The following IQSEC1 variants were observed in gnomAD, a reference collection of about 807,000 sequenced individuals.
IQSEC1 encodes the protein IQ motif and Sec7 domain ArfGEF 1.
A neutral mutation model predicts 91.0 loss-of-function variants in IQSEC1; 31 were observed. That is an observed-to-expected ratio of 0.34 (90% CI 0.26 to 0.46). The LOEUF is 0.46. Ranked by LOEUF, IQSEC1 falls within the 20% of genes least tolerant of loss-of-function variation. The probability of loss-of-function intolerance (pLI) is 1.00; values close to 1 mark genes in which losing one functional copy is unlikely to be tolerated. For synonymous variants in IQSEC1, 699 were observed against 662.6 expected, an observed-to-expected ratio of 1.05 and a Z score of -0.84; for missense variants, 1,388 against 1,575.6, an observed-to-expected ratio of 0.88 and a Z score of 2.02.
At chr3:13,007,653 A>G (rs1268042207) in intron 1 of IQSEC1, among the ~76,000 whole-genome samples, 1 of 152,160 alleles carries the variant, frequency 6.6e-6, no homozygotes, top group African/African-American at 2.4e-5. Flanking sequence ...CACACATTAG[A>G]GCTTATCACC....
At position 13,261,443 on chromosome 3, in the gene IQSEC1, G is replaced by A. The variant is rs374241574; in HGVS notation, c.272+21268C>T. 5.3e-5 allele frequency among the ~76,000 whole-genome samples: 8 copies of A among 152,210 alleles called. No individual in the cohort carries two copies. The East Asian group carries it at 1.5e-3, about 29-fold the overall frequency. On this transcript the variant is annotated intron_variant, in intron 1 of 15. Transcript: ENST00000648114. ...GCCCCCTCTACCCATCCAGCCCCTC[G>A]AATGAGTGCTGTGCCCGAGAGCTCC...
intron 2 of IQSEC1, among the ~76,000 whole-genome samples, chr3:13,090,819 C>A (rs1006677611): frequency 6.6e-6 from 1 of 152,168 alleles, no homozygotes; most frequent in Non-Finnish European, 1.5e-5. Flanking sequence ...TTTTAGACTT[C>A]GATCCTTGAG....
At chr3:13,264,581 CT>C (rs1201114635) in intron 1 of IQSEC1, among the ~76,000 whole-genome samples, 4 of 152,176 alleles carry the variant, frequency 2.6e-5, no homozygotes, top group Non-Finnish European at 5.9e-5. Context: ...CATGGCACCC[CT>C]GGGGGACTGG....
rs1391228657 is a variant in IQSEC1, at chr3:12,899,228, C to G, written c.*1755G>C. On this transcript the variant is annotated 3_prime_UTR_variant, in exon 14 of 14. Coordinates refer to ENST00000613206, the MANE Select transcript of IQSEC1 (RefSeq NM_001134382.3). ...GCCAGCCAGCCAAGGTGACACACAG[C>G]CAGAGGGGGCTCCCCTCTCCTCCTG... The G allele has an allele frequency of 1.3e-6, 1 of 741,354 alleles. No individual in the cohort carries two copies. Among genetic ancestry groups the G allele is most frequent in the Non-Finnish European group, 2.2e-6 (1 of 453,836 alleles). The allele number at this position is 741,354 out of a possible 1,614,324, so 45.9% of individuals were successfully genotyped here.
chr3:13,163,736 G>A (rs542599857), intron 2 of IQSEC1, among the ~76,000 whole-genome samples: 3 of 142,888 alleles, frequency 2.1e-5, no homozygotes, highest in South Asian at 2.6e-4. Context: ...CCCTGACCCC[G>A]CCCAGCCCAG....
In IQSEC1 at chr3:13,022,174, C is replaced by G. The variant is rs55769238; in HGVS notation, c.23+50818G>C. ...CCCACCACCCAGAGTCTCCTCCTGG[C>G]CAGGGAACGGCTCTCTTCACGGATT... On this transcript the variant is annotated intron_variant, in intron 1 of 13. Transcript: ENST00000613206. 9.7e-3 allele frequency: 11,943 copies of G among 1,231,618 alleles called. 792 individuals are homozygous for G. In the African/African-American group the frequency reaches 0.15, roughly 16 times the overall value. The allele number at this position is 1,231,618 out of a possible 1,614,324, so 76.3% of individuals were successfully genotyped here. A position where few individuals can be genotyped will look rare whatever the true frequency, so the allele number is the denominator to read the frequency against.
At chr3:13,070,704 C>T (rs1705384527) in intron 1 of IQSEC1, among the ~76,000 whole-genome samples, 1 of 152,304 alleles carries the variant, frequency 6.6e-6, no homozygotes. Context: ...GGTTTGGTGG[C>T]AGAGCGGGGA....
Position 13,222,275 on chromosome 3 carries a change from C to T in IQSEC1, c.273-58142G>A, listed in dbSNP as rs115545387. Among the ~76,000 whole-genome samples the T allele has an allele frequency of 3.0e-3, 457 of 152,236 alleles. 3 individuals are homozygous for T. The highest frequency in any genetic ancestry group is 0.011 in the African/African-American group (439 of 41,514). On this transcript the variant is annotated intron_variant, in intron 1 of 15. Transcript: ENST00000648114. ...GCCGGCTCATTCACTAGCATCCTGT[C>T]GTCCAGGTTCATCCCTGTTGCAGCG...
chr3:13,171,222 T>C lies in IQSEC1; in HGVS notation c.273-7089A>G, dbSNP rs182911562. On this transcript the variant is annotated intron_variant, in intron 1 of 15. Coordinates refer to the IQSEC1 transcript ENST00000648114. Reference sequence around the variant, plus strand: ...AGGGCCTCAAATGCACCATCTCACGTGATACAGGGAAACTGAGGCTTAGAC... The same window carrying C: ...AGGGCCTCAAATGCACCATCTCACGCGATACAGGGAAACTGAGGCTTAGAC... 6.7e-3 allele frequency among the ~76,000 whole-genome samples: 1,014 copies of C among 152,308 alleles called. 10 individuals are homozygous for C. Among genetic ancestry groups the C allele is most frequent in the African/African-American group, 0.021 (882 of 41,566 alleles).
chr3:13,029,084 A>G (rs1301302601), intron 1 of IQSEC1, among the ~76,000 whole-genome samples: 1 of 152,244 alleles, frequency 6.6e-6, no homozygotes, highest in African/African-American at 2.4e-5. Context: ...GTAAAGCTAT[A>G]TAGAAGATCA....
chr3:13,053,046 C>G (rs935187826), intron 1 of IQSEC1: 2 of 1,117,264 alleles, frequency 1.8e-6, no homozygotes, highest in African/African-American at 3.1e-5. Context: ...CATCCGAATC[C>G]ACGGGGGAAT....
intron 1 of IQSEC1, among the ~76,000 whole-genome samples, chr3:12,968,375 C>T (rs1700740152): frequency 6.6e-6 from 1 of 152,056 alleles, no homozygotes; most frequent in African/African-American, 2.4e-5. Flanking sequence ...CCTTTCTCCA[C>T]CCAGAGACAC....
At chr3:13,093,303 T>C (rs1227450900) in intron 2 of IQSEC1, among the ~76,000 whole-genome samples, 1 of 152,114 alleles carries the variant, frequency 6.6e-6, no homozygotes, top group African/African-American at 2.4e-5. Context: ...GAAGGAGACC[T>C]GGGGCCTCCA....
rs1700670253 is a variant in IQSEC1, at chr3:12,967,608, A to T, written c.24-25743T>A. 8.0e-7 allele frequency: 1 copy of T among 1,246,364 alleles called. No individual in the cohort carries two copies. Among genetic ancestry groups the T allele is most frequent in the Admixed American group, 4.3e-5 (1 of 23,020 alleles). The allele number at this position is 1,246,364 out of a possible 1,614,324, so 77.2% of individuals were successfully genotyped here. A position where few individuals can be genotyped will look rare whatever the true frequency, so the allele number is the denominator to read the frequency against. On this transcript the variant is annotated intron_variant, in intron 1 of 13. Transcript: ENST00000613206. This position sits in a 1 kb window ranked among gnomAD's most constrained non-coding sequence, Gnocchi z 5.9. ...GCGATCACGTCGGGGCTCCTGGTCC[A>T]GCGTCCGCCGGCTCCCGCGGCTCCG...
chr3:12,967,067 C>A lies in IQSEC1; in HGVS notation c.24-25202G>T, dbSNP rs900246261. 6.6e-6 allele frequency among the ~76,000 whole-genome samples: 1 copy of A among 151,804 alleles called. No individual in the cohort carries two copies. The highest frequency in any genetic ancestry group is 1.5e-5 in the Non-Finnish European group (1 of 67,950). On this transcript the variant is annotated intron_variant, in intron 1 of 13. Coordinates refer to ENST00000613206, the MANE Select transcript of IQSEC1 (RefSeq NM_001134382.3). The surrounding 1 kb of genome is among the most constrained non-coding windows in gnomAD (Gnocchi z 5.9). Reference sequence around the variant, plus strand: ...TCTCAAGCCCCCAAACTCAAACTCACCCCCACACCAACTTGCACTCCAACA... The same window carrying A: ...TCTCAAGCCCCCAAACTCAAACTCAACCCCACACCAACTTGCACTCCAACA...
chr3:13,233,790 C>T (rs912042774), intron 1 of IQSEC1, among the ~76,000 whole-genome samples: 2 of 152,314 alleles, frequency 1.3e-5, no homozygotes, highest in Admixed American at 1.3e-4. Context: ...GGGCTCCCGG[C>T]AGGCTCCTGG....
At chr3:12,926,905 T>C (rs956833906) in intron 3 of IQSEC1, among the ~76,000 whole-genome samples, 5 of 152,230 alleles carry the variant, frequency 3.3e-5, no homozygotes, top group Non-Finnish European at 5.9e-5. Context: ...ACCAGCCAGC[T>C]TGGTCCTGGC....
At chr3:13,015,979 T>C (rs991130666) in intron 1 of IQSEC1, among the ~76,000 whole-genome samples, 4 of 152,210 alleles carry the variant, frequency 2.6e-5, no homozygotes, top group African/African-American at 7.2e-5. Context: ...TCTGGCCACA[T>C]GGGCACTGCA....
rs761410879 is a variant in IQSEC1, at chr3:12,909,440, A to T, written c.2417-6T>A. 3.1e-6 allele frequency: 5 copies of T among 1,612,870 alleles called. No homozygotes were observed. The highest frequency in any genetic ancestry group is 3.3e-4 in the Middle Eastern group (2 of 6,010). ...CCGGATGCCATTGGGGTAGTCTGCA[A>T]AAGGGAAGGAGAGGGGAGGAGGCCC... On this transcript the variant is annotated splice_polypyrimidine_tract_variant and splice_region_variant and intron_variant, in intron 10 of 13. Coordinates refer to ENST00000613206, the MANE Select transcript of IQSEC1 (RefSeq NM_001134382.3). The surrounding 1 kb of genome is among the most constrained non-coding windows in gnomAD (Gnocchi z 4.9).
Sources: allele counts gnomAD v4.1 joint callset (sites outside exome capture counted in the v4.1 genomes callset), GRCh38; gene constraint gnomAD v4.1.1; non-coding constraint Gnocchi (gnomAD v3.1); transcripts MANE v1.5; gene names NCBI Gene and HGNC (gene_info 2026-07-23, HGNC 2026-07-21).